The following MAGI2 variants were observed in gnomAD, a reference collection of about 807,000 sequenced individuals.
MAGI2 encodes membrane associated guanylate kinase, WW and PDZ domain containing 2.
MAGI2 carries 35 observed loss-of-function variants against 133.3 expected under a neutral mutation model. The ratio of observed to expected loss-of-function variants is 0.26; its 90% CI spans 0.20 to 0.35. The LOEUF (loss-of-function observed/expected upper bound fraction) is 0.35, where lower values mean the gene tolerates loss of function less well. MAGI2 is among the 10% of genes least tolerant of loss of function. The pLI is 1.00. For missense variants in MAGI2, 1,636 were observed against 1,863.4 expected (o/e 0.88, Z 2.25); for synonymous variants, 729 against 710.6 (o/e 1.03, Z -0.41).
intron 20 of MAGI2, among the ~76,000 whole-genome samples, chr7:78,113,353 C>CT (rs1471801332): frequency 1.3e-5 from 2 of 152,070 alleles, no homozygotes; most frequent in Non-Finnish European, 2.9e-5. Flanking sequence ...TATTTGAAAG[C>CT]TTTTGTAGCC....
intron 2 of MAGI2, among the ~76,000 whole-genome samples, chr7:78,963,554 C>T (rs1803043781): frequency 6.6e-6 from 1 of 151,908 alleles, no homozygotes; most frequent in Admixed American, 6.6e-5. Flanking sequence ...GTTCTAACAA[C>T]ATGTAAACTG....
intron 9 of MAGI2, among the ~76,000 whole-genome samples, chr7:78,298,007 GA>G (rs796968713): frequency 0.011 from 1,614 of 146,518 alleles, 27 homozygotes; most frequent in African/African-American, 0.037. Flanking sequence ...AATTGTCTGG[GA>G]AAAAAAAAAG....
At position 79,436,658 on chromosome 7, in the gene MAGI2, AC is replaced by A. The variant is rs765237646; in HGVS notation, c.301+16361del. 5.3e-5 allele frequency among the ~76,000 whole-genome samples: 8 copies of A among 152,326 alleles called. No individual in the cohort carries two copies. The East Asian group carries it at 1.5e-3, about 29-fold the overall frequency. On this transcript the variant is annotated intron_variant, in intron 1 of 21. Transcript: ENST00000354212. The stretch of plus-strand genomic sequence containing the variant: ...AAACCACAATGATACATCATTTCAC[AC>A]CAGAAAGAATGGTTACTATTAAAAA...
At chr7:79,026,955 T>C (rs1809954328) in intron 1 of MAGI2, among the ~76,000 whole-genome samples, 2 of 152,064 alleles carry the variant, frequency 1.3e-5, no homozygotes, top group Non-Finnish European at 2.9e-5. Context: ...AAGACATATT[T>C]AAAAAATGCT....
intron 1 of MAGI2, among the ~76,000 whole-genome samples, chr7:79,322,578 G>T (rs576962558): frequency 4.6e-5 from 7 of 152,116 alleles, no homozygotes; most frequent in African/African-American, 1.7e-4. Flanking sequence ...CTGAGGTCGG[G>T]AGTTTGAGAC....
At chr7:78,851,300 T>C (rs1213285697) in intron 2 of MAGI2, among the ~76,000 whole-genome samples, 1 of 152,114 alleles carries the variant, frequency 6.6e-6, no homozygotes, top group Non-Finnish European at 1.5e-5. Context: ...CTATGCTAAA[T>C]GTCAAGGGCT....
intron 21 of MAGI2, among the ~76,000 whole-genome samples, chr7:78,070,616 A>ATATGTG (rs1416258699): frequency 5.5e-5 from 7 of 128,204 alleles, no homozygotes; most frequent in East Asian, 5.0e-4. Flanking sequence ...GTATATATAT[A>ATATGTG]TGTGTGTGTG....
At chr7:78,932,166 A>G (rs926148796) in intron 2 of MAGI2, among the ~76,000 whole-genome samples, 20 of 152,064 alleles carry the variant, frequency 1.3e-4, no homozygotes, top group African/African-American at 4.8e-4. Context: ...CAGGCCTGAT[A>G]CACCAATGTC....
At chr7:79,328,720 G>A (rs927069267) in intron 1 of MAGI2, among the ~76,000 whole-genome samples, 2 of 152,064 alleles carry the variant, frequency 1.3e-5, no homozygotes, top group Non-Finnish European at 2.9e-5. Context: ...CTTAGAATTG[G>A]TATTAATATT....
chr7:79,178,038 C>T (rs34707261), intron 1 of MAGI2, among the ~76,000 whole-genome samples: 104,994 of 151,860 alleles, frequency 0.69, 39,439 homozygotes, highest in Non-Finnish European at 0.84. Flanking sequence ...GCCAGGCTTC[C>T]ATCTATCATA....
rs186278365 is a variant in MAGI2, at chr7:79,220,341, G to A, written c.302-213135C>T. Among the ~76,000 whole-genome samples the A allele has an allele frequency of 2.2e-3, 336 of 151,982 alleles. 1 individual carries two copies. The highest frequency in any genetic ancestry group is 3.8e-3 in the Non-Finnish European group (257 of 68,024). ...CAGCCTTAGTCAAAACATGTAAGAC[G>A]ACATTATACATGAGGAAGAAAGGCT... On this transcript the variant is annotated intron_variant, in intron 1 of 21. Transcript: ENST00000354212.
At chr7:78,109,088 A>G (rs1007837958) in intron 20 of MAGI2, among the ~76,000 whole-genome samples, 8 of 151,630 alleles carry the variant, frequency 5.3e-5, no homozygotes, top group Admixed American at 6.6e-5. Context: ...GCGGATCACG[A>G]GGTCAGGAGA....
chr7:79,406,971 G>T (rs1488244064), intron 1 of MAGI2, among the ~76,000 whole-genome samples: 1 of 152,038 alleles, frequency 6.6e-6, no homozygotes, highest in African/African-American at 2.4e-5. Context: ...AATACCTATG[G>T]TCTCCTAATT....
At chr7:79,361,272 C>T (rs1842359220) in intron 1 of MAGI2, among the ~76,000 whole-genome samples, 1 of 152,006 alleles carries the variant, frequency 6.6e-6, no homozygotes, top group Admixed American at 6.5e-5. Flanking sequence ...CAGGTGGGAA[C>T]TTCAATACTG....
intron 6 of MAGI2, among the ~76,000 whole-genome samples, chr7:78,376,199 T>C (rs1794434986): frequency 6.6e-6 from 1 of 152,094 alleles, no homozygotes; most frequent in African/African-American, 2.4e-5. Flanking sequence ...CTTTATTCCA[T>C]TCAGTCAGGA....
chr7:78,573,283 TTTATATAA>T (rs1563188886), intron 3 of MAGI2, among the ~76,000 whole-genome samples: 3 of 46,226 alleles, frequency 6.5e-5, no homozygotes, highest in African/African-American at 4.5e-4. Flanking sequence ...AATATATATA[TTTATATAA>T]ATATATATAT....
chr7:79,082,755 T>A (rs1022105373), intron 1 of MAGI2, among the ~76,000 whole-genome samples: 2 of 151,972 alleles, frequency 1.3e-5, no homozygotes, highest in Admixed American at 1.3e-4. Context: ...CTGTTGAGAT[T>A]TTGATAGTGA....
Position 78,096,749 on chromosome 7 carries a change from G to A in MAGI2, c.3568-17664C>T, listed in dbSNP as rs1286790123. Among the ~76,000 whole-genome samples the A allele has an allele frequency of 2.0e-5, 3 of 152,238 alleles. 1 individual carries two copies. The East Asian group carries it at 5.8e-4, about 29-fold the overall frequency. On this transcript the variant is annotated intron_variant, in intron 20 of 21. Transcript: ENST00000354212. Reference sequence around the variant, plus strand: ...TGAGTAGTTACATGAGAGACTGCATGTTCCCAAAGTCCAAAATGTGAACTA... The same window carrying A: ...TGAGTAGTTACATGAGAGACTGCATATTCCCAAAGTCCAAAATGTGAACTA...
intron 12 of MAGI2, among the ~76,000 whole-genome samples, chr7:78,185,911 T>C (rs981982982): frequency 6.6e-6 from 1 of 152,198 alleles, no homozygotes; most frequent in African/African-American, 2.4e-5. Flanking sequence ...AATTTCTTTT[T>C]AGATCAGGGT....
Sources: gnomAD v4.1 joint callset for allele counts (sites outside exome capture counted in the v4.1 genomes callset) on GRCh38, gnomAD v4.1.1 for gene constraint, MANE v1.5 for transcripts, NCBI Gene and HGNC (gene_info 2026-07-23, HGNC 2026-07-21) for gene names.